Variants in LRIG1 observed in about 807,000 individuals in gnomAD.
The protein encoded by LRIG1 is leucine-rich repeats and immunoglobulin-like domains protein 1.
Under a neutral mutation model 99.2 loss-of-function variants are expected in LRIG1, and 48 were observed. The ratio of observed to expected loss-of-function variants is 0.48; its 90% CI spans 0.38 to 0.62. LRIG1 has a LOEUF of 0.62. Ranked by LOEUF, LRIG1 falls within the 20% of genes least tolerant of loss-of-function variation. LRIG1 has a pLI of 0.00. For synonymous variants in LRIG1, 772 were observed against 596.1 expected, an observed-to-expected ratio of 1.29 and a Z score of -4.30; for missense variants, 1,646 against 1,434.4, an observed-to-expected ratio of 1.15 and a Z score of -2.38.
chr3:66,459,940 C>T (rs1700318171), intron 2 of LRIG1, among the ~76,000 whole-genome samples: 2 of 152,138 alleles, frequency 1.3e-5, no homozygotes, highest in Admixed American at 1.3e-4. Flanking sequence ...ATCAGTAATA[C>T]TAATCCTATC....
intron 5 of LRIG1, among the ~76,000 whole-genome samples, chr3:66,414,613 AC>A (rs779688553): frequency 4.5e-4 from 68 of 152,042 alleles, no homozygotes; most frequent in Non-Finnish European, 7.6e-4. Flanking sequence ...ATAAATAAGA[AC>A]CCAAACCCAT....
intron 3 of LRIG1, among the ~76,000 whole-genome samples, chr3:66,446,208 G>A (rs919044912): frequency 2.6e-5 from 4 of 152,064 alleles, no homozygotes; most frequent in Non-Finnish European, 5.9e-5. Flanking sequence ...GAGGGCTCAG[G>A]CCTTTGCTGC....
chr3:66,449,791 C>A (rs1050906076), intron 3 of LRIG1, among the ~76,000 whole-genome samples: 26 of 152,336 alleles, frequency 1.7e-4, no homozygotes, highest in African/African-American at 6.0e-4. Flanking sequence ...GAGATATTCT[C>A]TGTGGCCCTA....
At position 66,409,549 on chromosome 3, in the gene LRIG1, G is replaced by A. The variant is rs114531550; in HGVS notation, c.935+580C>T. Among the ~76,000 whole-genome samples, 204 of 152,340 alleles carry A rather than the reference G, an allele frequency of 1.3e-3. 4 individuals are homozygous for A. Among genetic ancestry groups the A allele is most frequent in the African/African-American group, 4.8e-3 (198 of 41,578 alleles). Reference sequence around the variant, plus strand: ...ACATCTCTGAACTAAGCACGCACACGACTGCACAGGAGCCTCTGCCAGCAG... The same window carrying A: ...ACATCTCTGAACTAAGCACGCACACAACTGCACAGGAGCCTCTGCCAGCAG... On this transcript the variant is annotated intron_variant, in intron 7 of 18. Coordinates refer to ENST00000273261, the MANE Select transcript of LRIG1 (RefSeq NM_015541.3).
At chr3:66,427,050 C>T (rs770672479) in intron 3 of LRIG1, among the ~76,000 whole-genome samples, 1 of 152,210 alleles carries the variant, frequency 6.6e-6, no homozygotes, top group African/African-American at 2.4e-5. Context: ...ATAAGTTTCA[C>T]ATAATCTAGC....
chr3:66,451,632 A>C lies in LRIG1; in HGVS notation c.292T>G (p.Tyr98Asp). The C allele has an allele frequency of 6.2e-7, 1 of 1,611,430 alleles. No individual in the cohort carries two copies. ...FEDLPNLQEV[Y>D]LNNNELTAVP... ...GCTGTCAACTCATTATTATTGAGGT[A>C]CCTGTAACAACAACAAGAAATTAAT... is the stretch of plus-strand genomic sequence containing the variant. Residue 98 changes from tyrosine (Y) to aspartate (D), a missense_variant and splice_region_variant, in exon 3 of 19, where the codon TAC becomes GAC. Coordinates refer to ENST00000273261, the MANE Select transcript of LRIG1 (RefSeq NM_015541.3).
intron 3 of LRIG1, among the ~76,000 whole-genome samples, chr3:66,422,317 T>C (rs1702846237): frequency 6.6e-6 from 1 of 152,236 alleles, no homozygotes; most frequent in Non-Finnish European, 1.5e-5. Flanking sequence ...AACTTTTATG[T>C]TCTGTTTCCC....
At chr3:66,406,868 G>A (rs1410068453) in intron 8 of LRIG1, among the ~76,000 whole-genome samples, 1 of 152,182 alleles carries the variant, frequency 6.6e-6, no homozygotes, top group Non-Finnish European at 1.5e-5. Context: ...CTTGGTACAG[G>A]TTATGCTGAA....
chr3:66,409,026 C>G (rs1479250222), intron 7 of LRIG1, among the ~76,000 whole-genome samples: 1 of 148,458 alleles, frequency 6.7e-6, no homozygotes, highest in Non-Finnish European at 1.5e-5. Context: ...CACAGAAGAC[C>G]AGACACAAAC....
chr3:66,439,244 G>T (rs2106770484), intron 3 of LRIG1, among the ~76,000 whole-genome samples: 1 of 152,372 alleles, frequency 6.6e-6, no homozygotes, highest in East Asian at 1.9e-4. Context: ...CAACACGCCA[G>T]CTCTCATTCC....
intron 1 of LRIG1, among the ~76,000 whole-genome samples, chr3:66,464,024 TG>T (rs1200954705): frequency 4.6e-5 from 7 of 152,304 alleles, no homozygotes; most frequent in South Asian, 2.1e-4. Flanking sequence ...TGTCTGTGCC[TG>T]GGGGTATTTG....
chr3:66,472,784 C>T (rs1169131273), intron 1 of LRIG1, among the ~76,000 whole-genome samples: 1 of 152,080 alleles, frequency 6.6e-6, no homozygotes, highest in African/African-American at 2.4e-5. Flanking sequence ...CAGATTAAAA[C>T]ATCAAAACAA....
At chr3:66,474,464 G>C (rs1396786207) in intron 1 of LRIG1, among the ~76,000 whole-genome samples, 1 of 151,640 alleles carries the variant, frequency 6.6e-6, no homozygotes, top group Non-Finnish European at 1.5e-5. Flanking sequence ...TCCTATCTCA[G>C]CCTCCTGAAT....
chr3:66,414,368 C>T (rs1316864406), intron 5 of LRIG1, among the ~76,000 whole-genome samples: 1 of 151,752 alleles, frequency 6.6e-6, no homozygotes, highest in South Asian at 2.1e-4. Context: ...CTGCACCCCA[C>T]CTGGGGGACA....
intron 1 of LRIG1, among the ~76,000 whole-genome samples, chr3:66,469,516 C>G (rs537124380): frequency 6.6e-6 from 1 of 152,160 alleles, no homozygotes. Context: ...GTGACGTTAA[C>G]TGAGAGAAGA....
At chr3:66,477,089 T>A (rs1239463695) in intron 1 of LRIG1, among the ~76,000 whole-genome samples, 1 of 152,188 alleles carries the variant, frequency 6.6e-6, no homozygotes, top group Non-Finnish European at 1.5e-5. Context: ...ATTTTTTTCT[T>A]ACATAAAAAT....
chr3:66,496,785 T>C (rs1303101700), intron 1 of LRIG1, among the ~76,000 whole-genome samples: 1 of 152,206 alleles, frequency 6.6e-6, no homozygotes, highest in Non-Finnish European at 1.5e-5. Context: ...AATTTGGTGA[T>C]CTGCACTTTA....
intron 14 of LRIG1, 144 bp downstream of exon 14, chr3:66,383,847 C>T (rs1362739865): frequency 8.4e-7 from 1 of 1,191,430 alleles, no homozygotes; most frequent in Non-Finnish European, 1.1e-6. Context: ...GAAAAATTAA[C>T]TCAACTCAAA....
At chr3:66,414,358 C>G (rs1702558038) in intron 5 of LRIG1, among the ~76,000 whole-genome samples, 1 of 151,926 alleles carries the variant, frequency 6.6e-6, no homozygotes, top group African/African-American at 2.4e-5. Context: ...GATCACACCA[C>G]TGCACCCCAC....
Sources: allele counts gnomAD v4.1 joint callset (sites outside exome capture counted in the v4.1 genomes callset), GRCh38; gene constraint gnomAD v4.1.1; transcripts MANE v1.5; gene names NCBI Gene and HGNC (gene_info 2026-07-23, HGNC 2026-07-21).